Variants in ZNF143 observed in about 807,000 individuals in gnomAD.
ZNF143 encodes zinc finger protein 143.
A neutral mutation model predicts 74.1 loss-of-function variants in ZNF143; 49 were observed. That is an observed-to-expected ratio of 0.66 (90% CI 0.53 to 0.84). The LOEUF (loss-of-function observed/expected upper bound fraction) is 0.84. Among genes scored for constraint, ZNF143 ranks in the 40% least tolerant of loss-of-function variants. The probability of loss-of-function intolerance (pLI) is 0.00; values close to 1 mark genes in which losing one functional copy is unlikely to be tolerated. For synonymous variants in ZNF143, 304 were observed against 282.8 expected, an observed-to-expected ratio of 1.07 and a Z score of -0.75; for missense variants, 637 against 793.4, an observed-to-expected ratio of 0.80 and a Z score of 2.37.
chr11:9,480,093 C>T (rs1417639459), intron 7 of ZNF143, among the ~76,000 whole-genome samples: 4 of 152,156 alleles, frequency 2.6e-5, no homozygotes, highest in Admixed American at 2.0e-4. Flanking sequence ...GCTGGCTTCC[C>T]GTGGTTCAAA....
At position 9,528,447 on chromosome 11, in the gene ZNF143, C is replaced by T. The variant is rs993342782; in HGVS notation, c.*834C>T. ...GGTTGGTGTAAATTATTTATTTTTG[C>T]TTATGTACTTTTGTTTTAAAGCTTA... is the stretch of plus-strand genomic sequence containing the variant. On this transcript the variant is annotated 3_prime_UTR_variant, in exon 16 of 16. Transcript: ENST00000396602. 9.2e-5 allele frequency: 14 copies of T among 151,584 alleles called. No individual in the cohort carries two copies. Among genetic ancestry groups the T allele is most frequent in the Non-Finnish European group, 1.8e-4 (12 of 67,936 alleles). The allele number at this position is 151,584 out of a possible 1,614,324, so 9.4% of individuals were successfully genotyped here.
At chr11:9,493,152 C>T (rs1038600895) in intron 7 of ZNF143, among the ~76,000 whole-genome samples, 1 of 151,078 alleles carries the variant, frequency 6.6e-6, no homozygotes, top group African/African-American at 2.4e-5. Flanking sequence ...TCTCTGTAAC[C>T]TCCGCCTCCC....
At chr11:9,503,691 G>A (rs1261885244) in intron 11 of ZNF143, among the ~76,000 whole-genome samples, 1 of 149,520 alleles carries the variant, frequency 6.7e-6, no homozygotes, top group Non-Finnish European at 1.5e-5. Flanking sequence ...CGCCCAGGCT[G>A]GAGTGTAGTG....
At chr11:9,497,527 G>T (rs1350402663) in intron 9 of ZNF143, 148 bp from the exon 10 acceptor site, 2 of 609,186 alleles carry the variant, frequency 3.3e-6, no homozygotes, top group Non-Finnish European at 5.2e-6. Flanking sequence ...CACCGTGCCC[G>T]GCCCTTTTGT....
chr11:9,469,398 A>T (rs565328393), intron 1 of ZNF143, among the ~76,000 whole-genome samples: 7 of 151,462 alleles, frequency 4.6e-5, no homozygotes, highest in African/African-American at 1.7e-4. Context: ...CTCCCAGCTA[A>T]TTTTTGTATT....
In ZNF143 at chr11:9,514,301, T is replaced by C. The variant is rs145631861; in HGVS notation, c.1524+1705T>C. Among the ~76,000 whole-genome samples the C allele has an allele frequency of 2.3e-4, 35 of 152,360 alleles. No individual in the cohort carries two copies. The East Asian group carries it at 5.6e-3, about 24-fold the overall frequency. ...CTTCATATATTCCAAAACAACTATC[T>C]TTCCCATCCCAATGTTGTACTTTCT... On this transcript the variant is annotated intron_variant, in intron 13 of 15. Transcript: ENST00000396602.
Position 9,528,368 on chromosome 11 carries a change from C to T in ZNF143, c.*755C>T, listed in dbSNP as rs370207308. The T allele has an allele frequency of 3.9e-5, 6 of 151,904 alleles. No individual in the cohort carries two copies. Among genetic ancestry groups the T allele is most frequent in the East Asian group, 3.8e-4 (2 of 5,202 alleles). 9.4% of individuals were successfully genotyped at this position (151,904 alleles called of 1,614,324 possible). Reference sequence around the variant, plus strand: ...CAAAGTTTAACCACAGGCTGGTGCCCGGGATAACAGTACTGTAATTGGAAA... The same window carrying T: ...CAAAGTTTAACCACAGGCTGGTGCCTGGGATAACAGTACTGTAATTGGAAA... On this transcript the variant is annotated 3_prime_UTR_variant, in exon 16 of 16. Coordinates refer to ENST00000396602, the MANE Select transcript of ZNF143 (RefSeq NM_003442.6).
At chr11:9,497,210 C>T (rs117714179) in intron 9 of ZNF143, among the ~76,000 whole-genome samples, 154 of 152,246 alleles carry the variant, frequency 1.0e-3, no homozygotes, top group South Asian at 2.7e-3. Context: ...ATGGCAGTCC[C>T]GAGCTATGAT....
In ZNF143 at chr11:9,521,579, T is replaced by TG. The variant is rs1265647966; in HGVS notation, c.1687-3661_1687-3660insG. ...TGCGGAGGTTTTTTTTTGTTTTTTT[T>TG]TTGTTGTTGTTGTTGTTGTTTTTTA... On this transcript the variant is annotated intron_variant, in intron 14 of 15. Coordinates refer to ENST00000396602, the MANE Select transcript of ZNF143 (RefSeq NM_003442.6). Among the ~76,000 whole-genome samples, 24 of 151,934 alleles carry TG rather than the reference T, an allele frequency of 1.6e-4. 1 individual carries two copies. The highest frequency in any genetic ancestry group is 9.7e-4 in the East Asian group (5 of 5,174).
At chr11:9,522,753 C>T (rs1219534647) in intron 14 of ZNF143, among the ~76,000 whole-genome samples, 1 of 151,948 alleles carries the variant, frequency 6.6e-6, no homozygotes, top group African/African-American at 2.4e-5. Flanking sequence ...CTTGGCCTCC[C>T]AGAGTGTTGG....
At position 9,497,694 on chromosome 11, in the gene ZNF143, C is replaced by T. The variant is rs761628924; in HGVS notation, c.861C>T (p.His287=). 5.6e-6 allele frequency: 9 copies of T among 1,604,810 alleles called. No individual in the cohort carries two copies. The highest frequency in any genetic ancestry group is 1.7e-4 in the Middle Eastern group (1 of 6,048). The change falls in exon 10 of 16, where the codon CAC becomes CAT. Residue 287 remains histidine (H), a synonymous_variant. Coordinates refer to ENST00000396602, the MANE Select transcript of ZNF143 (RefSeq NM_003442.6). ...TTAAAGGTTATGGATTAAAAAGTCA[C>T]GTCAGAACTCATACAGGAGAAAAGC... The part of the protein sequence containing the change: ...AFATGYGLKS[H]VRTHTGEKPY...
intron 1 of ZNF143, among the ~76,000 whole-genome samples, chr11:9,468,536 T>C (rs1462143791): frequency 6.6e-6 from 1 of 152,238 alleles, no homozygotes; most frequent in Non-Finnish European, 1.5e-5. Context: ...CCAATTAGAA[T>C]TGGCAGTATG....
Position 9,472,750 on chromosome 11 carries a change from C to CGTAA in ZNF143, c.186_187insGTAA (p.Ile63ValfsTer7). 1 of 1,589,754 alleles carries CGTAA rather than the reference C, an allele frequency of 6.3e-7. No homozygotes were observed. The highest frequency in any genetic ancestry group is 1.2e-5 in the South Asian group (1 of 86,730). On this transcript the variant is annotated frameshift_variant, in exon 3 of 16. Transcript: ENST00000396602. LOFTEE classifies it high-confidence loss of function. Reference sequence around the variant, plus strand: ...CACTTGCAGATGGTTCTACTGCTTACATACAACACAATTCTAAAGGTATGT... The same window carrying CGTAA: ...CACTTGCAGATGGTTCTACTGCTTACGTAAATACAACACAATTCTAAAGGTATGT...
chr11:9,478,392 A>C lies in ZNF143; in HGVS notation c.376A>C (p.Ser126Arg). The stretch of plus-strand genomic sequence containing the variant: ...GGCATTCTCTTCCACTCTCTCAGAT[A>C]GTTATGACCAGAGTGCATTACAGGC... Reference protein sequence around the residue: ...TAFIHHTSKDSYDQSALQAVQ... With the variant: ...TAFIHHTSKDRYDQSALQAVQ... Residue 126 changes from serine to arginine, a missense_variant and splice_region_variant, in exon 6 of 16, where the codon AGT becomes CGT. Around this residue, in one of 2 missense-constraint regions of ZNF143, gnomAD observed 293 missense variants for 307.8 expected, o/e 0.95. Coordinates refer to ENST00000396602, the MANE Select transcript of ZNF143 (RefSeq NM_003442.6). 6.2e-7 allele frequency: 1 copy of C among 1,608,448 alleles called. No individual in the cohort carries two copies. Among genetic ancestry groups the C allele is most frequent in the Non-Finnish European group, 8.5e-7 (1 of 1,175,192 alleles).
At chr11:9,477,241 T>C (rs76001894) in intron 5 of ZNF143, among the ~76,000 whole-genome samples, 13,220 of 128,360 alleles carry the variant, frequency 0.1, 857 homozygotes, top group Non-Finnish European at 0.15. Flanking sequence ...TTCCTTCCCT[T>C]CCTTCCCTTC....
At chr11:9,476,847 C>T (rs1215062507) in intron 5 of ZNF143, among the ~76,000 whole-genome samples, 1 of 138,780 alleles carries the variant, frequency 7.2e-6, no homozygotes, top group Non-Finnish European at 1.5e-5. Flanking sequence ...GCAAGCTCCG[C>T]CTCCTGGGTT....
At chr11:9,462,706 C>G (rs1855942330) in intron 1 of ZNF143, among the ~76,000 whole-genome samples, 2 of 152,028 alleles carry the variant, frequency 1.3e-5, no homozygotes, top group Admixed American at 1.3e-4. Flanking sequence ...AAACCCCCGT[C>G]TCTGCGAAAA....
At chr11:9,483,972 TCTCTTGAC>T in intron 7 of ZNF143, among the ~76,000 whole-genome samples, 1 of 150,562 alleles carries the variant, frequency 6.6e-6, no homozygotes, top group Non-Finnish European at 1.5e-5. Flanking sequence ...ATGGTCTGAA[TCTCTTGAC>T]CTCGTGATCC....
intron 2 of ZNF143, 117 bp from the exon 3 acceptor site, chr11:9,472,560 T>C (rs1856643217): frequency 1.1e-6 from 1 of 895,128 alleles, no homozygotes; most frequent in Non-Finnish European, 1.7e-6. Context: ...CCGCTAAATC[T>C]CATTTTGAGT....
Sources: allele counts gnomAD v4.1 joint callset (sites outside exome capture counted in the v4.1 genomes callset), GRCh38; gene constraint gnomAD v4.1.1; regional missense constraint gnomAD v4.1.1; transcripts MANE v1.5; gene names NCBI Gene and HGNC (gene_info 2026-07-23, HGNC 2026-07-21).